Variants in GLT1D1 observed in about 807,000 individuals in gnomAD.
GLT1D1 encodes glycosyltransferase 1 domain-containing protein 1.
GLT1D1 carries 21 observed loss-of-function variants against 28.7 expected under a neutral mutation model. The ratio of observed to expected loss-of-function variants is 0.73; its 90% CI spans 0.52 to 1.05. The LOEUF (loss-of-function observed/expected upper bound fraction) is 1.05. Among genes scored for constraint, GLT1D1 ranks in the 50% least tolerant of loss-of-function variants. The pLI is 0.00. For synonymous variants in GLT1D1, 147 were observed against 124.8 expected (o/e 1.18, Z -1.19); for missense variants, 343 against 330.6 (o/e 1.04, Z -0.29).
chr12:128,960,935 C>T (rs558691561), intron 7 of GLT1D1, among the ~76,000 whole-genome samples: 6 of 152,186 alleles, frequency 3.9e-5, no homozygotes, highest in South Asian at 4.1e-4. Context: ...GTTCTGCATT[C>T]GCTTTTATTT....
chr12:128,895,666 A>G (rs902757679), intron 3 of GLT1D1, among the ~76,000 whole-genome samples: 7 of 152,040 alleles, frequency 4.6e-5, no homozygotes, highest in Non-Finnish European at 8.8e-5. Context: ...AATGTTGGTC[A>G]GGCTGGTCTC....
chr12:128,958,011 AT>A (rs753472411), intron 7 of GLT1D1, among the ~76,000 whole-genome samples: 6 of 152,258 alleles, frequency 3.9e-5, no homozygotes, highest in Non-Finnish European at 8.8e-5. Context: ...ATCACTTTTC[AT>A]TCCTTGAAAC....
chr12:128,978,365 C>T (rs2398442), intron 7 of GLT1D1, among the ~76,000 whole-genome samples: 50,710 of 151,930 alleles, frequency 0.33, 9,088 homozygotes, highest in East Asian at 0.6. Context: ...GGCTGATGTC[C>T]GGCATGGCAT....
chr12:128,872,013 G>A (rs1442998350), intron 1 of GLT1D1, among the ~76,000 whole-genome samples: 6 of 151,942 alleles, frequency 3.9e-5, no homozygotes, highest in East Asian at 1.9e-4. Context: ...GTGCAGTGGC[G>A]CGATCTCGGC....
At chr12:128,875,875 T>C in intron 1 of GLT1D1, 39 bp from the exon 2 acceptor site, 2 of 1,581,892 alleles carry the variant, frequency 1.3e-6, no homozygotes, top group Non-Finnish European at 1.7e-6. Flanking sequence ...ATTAACATTT[T>C]CCCCTCATCT....
At chr12:128,889,878 G>T (rs192739015) in intron 3 of GLT1D1, among the ~76,000 whole-genome samples, 2 of 152,206 alleles carry the variant, frequency 1.3e-5, no homozygotes, top group Non-Finnish European at 2.9e-5. Flanking sequence ...GGGTTCAGGC[G>T]ATTCTTGTGC....
At chr12:128,911,813 A>G (rs1871557762) in intron 4 of GLT1D1, among the ~76,000 whole-genome samples, 1 of 152,084 alleles carries the variant, frequency 6.6e-6, no homozygotes, top group African/African-American at 2.4e-5. Context: ...AAATATCCAT[A>G]TCCGTCATGC....
intron 1 of GLT1D1, 132 bp from the exon 2 acceptor site, chr12:128,875,782 A>G (rs1956854210): frequency 2.3e-6 from 2 of 862,522 alleles, no homozygotes; most frequent in African/African-American, 1.7e-5. Flanking sequence ...CCTGGGCAAC[A>G]TGAGTGAAAC....
chr12:128,896,437 A>G (rs1033013540), intron 3 of GLT1D1, among the ~76,000 whole-genome samples: 1 of 149,176 alleles, frequency 6.7e-6, no homozygotes, highest in Admixed American at 6.7e-5. Flanking sequence ...CAAATTACCA[A>G]TTTTTTTTTT....
At chr12:128,864,510 C>T (rs1439318897) in intron 1 of GLT1D1, among the ~76,000 whole-genome samples, 1 of 152,010 alleles carries the variant, frequency 6.6e-6, no homozygotes, top group Non-Finnish European at 1.5e-5. Flanking sequence ...CTTGTCTGAT[C>T]TTGTTCCGCA....
At chr12:128,863,098 T>C (rs1956419867) in intron 1 of GLT1D1, among the ~76,000 whole-genome samples, 1 of 152,098 alleles carries the variant, frequency 6.6e-6, no homozygotes, top group Non-Finnish European at 1.5e-5. Context: ...TAGTTTTACA[T>C]GACATGGGAG....
At chr12:128,862,833 C>T (rs546805300) in intron 1 of GLT1D1, among the ~76,000 whole-genome samples, 1 of 152,204 alleles carries the variant, frequency 6.6e-6, no homozygotes, top group Non-Finnish European at 1.5e-5. Context: ...ACTTGGAAGA[C>T]AAGTCTAGCA....
rs552535725 is a variant in GLT1D1 at position 128,861,753 on chromosome 12, C to T, written c.68+8104C>T. On this transcript the variant is annotated intron_variant, in intron 1 of 7. Coordinates refer to ENST00000281703, the MANE Select transcript of GLT1D1 (RefSeq NM_144669.3). Reference sequence around the variant, plus strand: ...GACACGGACCAGAAAGGAGAGAAAGCGAAGGAAGAAATGCAAACATCCTTT... The same window carrying T: ...GACACGGACCAGAAAGGAGAGAAAGTGAAGGAAGAAATGCAAACATCCTTT... Among the ~76,000 whole-genome samples the T allele has an allele frequency of 3.9e-5, 6 of 151,956 alleles. No homozygotes were observed. In the South Asian group the frequency reaches 6.3e-4, roughly 16 times the overall value.
chr12:128,910,247 G>T, intron 4 of GLT1D1, among the ~76,000 whole-genome samples: 1 of 146,854 alleles, frequency 6.8e-6, no homozygotes, highest in East Asian at 2.1e-4. Context: ...TGACAGAGCT[G>T]AGATACAAGT....
At chr12:128,973,921 TGTGTGTGTGTGTGTAGG>T (rs1235610383) in intron 7 of GLT1D1, among the ~76,000 whole-genome samples, 1 of 87,886 alleles carries the variant, frequency 1.1e-5, no homozygotes, top group East Asian at 3.7e-4. Flanking sequence ...GTGTAGGGGG[TGTGTGTGTGTGTGTAGG>T]GTGTGTGTGT....
At chr12:128,958,569 C>T (rs1237802646) in intron 7 of GLT1D1, among the ~76,000 whole-genome samples, 3 of 125,806 alleles carry the variant, frequency 2.4e-5, no homozygotes, top group South Asian at 2.5e-4. Context: ...GGTGAAACCC[C>T]GTCTCTATTA....
intron 1 of GLT1D1, among the ~76,000 whole-genome samples, chr12:128,870,445 G>A (rs1300986127): frequency 6.6e-6 from 1 of 152,108 alleles, no homozygotes; most frequent in African/African-American, 2.4e-5. Context: ...AAATCTCTAT[G>A]GGAGATGCTT....
At chr12:128,907,973 T>C (rs1488111024) in intron 4 of GLT1D1, among the ~76,000 whole-genome samples, 3 of 152,248 alleles carry the variant, frequency 2.0e-5, no homozygotes, top group Non-Finnish European at 4.4e-5. Flanking sequence ...AAAAATCTTC[T>C]CTGGAAATTT....
intron 7 of GLT1D1, among the ~76,000 whole-genome samples, chr12:128,958,341 C>G (rs1877505868): frequency 6.6e-6 from 1 of 152,136 alleles, no homozygotes; most frequent in South Asian, 2.1e-4. Context: ...GTAATACTTG[C>G]CTCTTAGAGT....
Sources: gnomAD v4.1 joint callset for allele counts (sites outside exome capture counted in the v4.1 genomes callset) on GRCh38, gnomAD v4.1.1 for gene constraint, MANE v1.5 for transcripts, NCBI Gene and HGNC (gene_info 2026-07-23, HGNC 2026-07-21) for gene names.